The following FSIP1 variants were observed in gnomAD, a reference collection of about 807,000 sequenced individuals.
FSIP1 encodes the protein fibrous sheath-interacting protein 1.
Under a neutral mutation model 60.9 loss-of-function variants are expected in FSIP1, and 65 were observed. That is an observed-to-expected ratio of 1.07 (90% confidence interval 0.87 to 1.31). The LOEUF is 1.31. Ranked by LOEUF, FSIP1 falls within the 40% of genes most tolerant of loss-of-function variation. The probability of loss-of-function intolerance (pLI) is 0.00; values close to 1 mark genes in which losing one functional copy is unlikely to be tolerated. For synonymous variants in FSIP1, 209 were observed against 221.2 expected, an observed-to-expected ratio of 0.94 and a Z score of 0.49; for missense variants, 675 against 665.5, an observed-to-expected ratio of 1.01 and a Z score of -0.16.
intron 10 of FSIP1, among the ~76,000 whole-genome samples, chr15:39,694,709 A>AG (rs1190131797): frequency 6.6e-6 from 1 of 152,046 alleles, no homozygotes; most frequent in African/African-American, 2.4e-5. Context: ...CCGAGGCAGG[A>AG]AAATCGCTTA....
chr15:39,706,330 G>A (rs878921922), intron 10 of FSIP1, among the ~76,000 whole-genome samples: 1 of 152,048 alleles, frequency 6.6e-6, no homozygotes, highest in South Asian at 2.1e-4. Flanking sequence ...TCCAAATATC[G>A]CTGTCCCAAT....
At chr15:39,663,307 C>T (rs564149083) in intron 10 of FSIP1, among the ~76,000 whole-genome samples, 2 of 152,120 alleles carry the variant, frequency 1.3e-5, no homozygotes, top group East Asian at 1.9e-4. Flanking sequence ...TCTAAGTACA[C>T]CACAAATAAT....
At chr15:39,689,231 C>T (rs1794042362) in intron 10 of FSIP1, among the ~76,000 whole-genome samples, 1 of 152,136 alleles carries the variant, frequency 6.6e-6, no homozygotes, top group Non-Finnish European at 1.5e-5. Context: ...ATGTCATTGT[C>T]CTCTCTGTGC....
chr15:39,725,610 T>C (rs565528238), intron 9 of FSIP1, among the ~76,000 whole-genome samples: 3 of 152,292 alleles, frequency 2.0e-5, no homozygotes, highest in South Asian at 4.1e-4. Flanking sequence ...TCTACAATTG[T>C]AGAGAAAATG....
At chr15:39,664,876 T>C (rs1893436172) in intron 10 of FSIP1, among the ~76,000 whole-genome samples, 1 of 152,136 alleles carries the variant, frequency 6.6e-6, no homozygotes, top group Non-Finnish European at 1.5e-5. Context: ...ATCTCCCTCC[T>C]CTCTAACTGT....
intron 10 of FSIP1, among the ~76,000 whole-genome samples, chr15:39,670,849 A>C (rs905891781): frequency 2.6e-5 from 4 of 152,248 alleles, no homozygotes; most frequent in African/African-American, 9.6e-5. Context: ...CACTTACGCA[A>C]CATTTTTATA....
In FSIP1 at chr15:39,713,588, T is replaced by TAA. The variant is rs746501622; in HGVS notation, c.1051-9_1051-8dup. 1 of 1,563,900 alleles carries TAA rather than the reference T, an allele frequency of 6.4e-7. No homozygotes were observed. Among genetic ancestry groups the TAA allele is most frequent in the Admixed American group, 2.1e-5 (1 of 47,666 alleles). ...CACCATCACGGTCAGGTTTCTAATT[T>TAA]AAAGAAAAAAAAAAAACATCATTCA... On this transcript the variant is annotated splice_polypyrimidine_tract_variant and splice_region_variant and intron_variant, in intron 9 of 11. Coordinates refer to ENST00000350221, the MANE Select transcript of FSIP1 (RefSeq NM_152597.5).
At chr15:39,680,509 T>C (rs919042014) in intron 10 of FSIP1, among the ~76,000 whole-genome samples, 1 of 152,342 alleles carries the variant, frequency 6.6e-6, no homozygotes, top group African/African-American at 2.4e-5. Flanking sequence ...GATGTGAGTA[T>C]ACATATTACG....
intron 10 of FSIP1, among the ~76,000 whole-genome samples, chr15:39,696,856 G>C (rs1894832416): frequency 6.9e-6 from 1 of 143,928 alleles, no homozygotes; most frequent in African/African-American, 2.6e-5. Context: ...GAAAGGAGGA[G>C]GGGGAAGGGG....
At position 39,713,503 on chromosome 15, in the gene FSIP1, C is replaced by T. The variant is rs368244711; in HGVS notation, c.1129G>A (p.Asp377Asn). 2.5e-5 allele frequency: 41 copies of T among 1,611,252 alleles called. No individual in the cohort carries two copies. Among genetic ancestry groups the T allele is most frequent in the Non-Finnish European group, 3.2e-5 (38 of 1,178,692 alleles). ...KILRNTKEQR[D>N]LHNRLREIDE... Reference sequence around the variant, plus strand: ...ATCTCTCTCAGCCGATTATGCAGATCGCGTTGCTCTTTGGTGTTCCTAAGT... The same window carrying T: ...ATCTCTCTCAGCCGATTATGCAGATTGCGTTGCTCTTTGGTGTTCCTAAGT... Residue 377 changes from aspartate to asparagine, a missense_variant, in exon 10 of 12, where the codon GAT becomes AAT. By Grantham distance (23) the Asp-to-Asn change is conservative (BLOSUM62 1). Coordinates refer to ENST00000350221, the MANE Select transcript of FSIP1 (RefSeq NM_152597.5).
intron 4 of FSIP1, among the ~76,000 whole-genome samples, chr15:39,765,319 T>C (rs553863500): frequency 7.5e-5 from 11 of 147,044 alleles, no homozygotes; most frequent in Non-Finnish European, 1.6e-4. Flanking sequence ...AGCTACTGCA[T>C]AGCATTGAAC....
chr15:39,708,746 C>G (rs1300503732), intron 10 of FSIP1, among the ~76,000 whole-genome samples: 1 of 152,210 alleles, frequency 6.6e-6, no homozygotes, highest in Admixed American at 6.5e-5. Context: ...TTGCTTACTT[C>G]TCTCTTAATG....
At chr15:39,701,496 T>A (rs1414102138) in intron 10 of FSIP1, among the ~76,000 whole-genome samples, 1 of 152,146 alleles carries the variant, frequency 6.6e-6, no homozygotes, top group African/African-American at 2.4e-5. Context: ...TTGTTCTCAC[T>A]AGAGGGATGG....
chr15:39,763,935 A>G (rs769048843), intron 4 of FSIP1, 21 bp from the exon 5 acceptor site: 1 of 1,318,386 alleles, frequency 7.6e-7, no homozygotes, highest in Non-Finnish European at 1.1e-6. Context: ...GAAAATTAAA[A>G]TTTAAACATG....
rs1408894344 is a variant in FSIP1, at chr15:39,752,175, T to TCAATTTAGTCAAAATA, written c.560-10276_560-10275insTATTTTGACTAAATTG. 1.8e-4 allele frequency among the ~76,000 whole-genome samples: 28 copies of TCAATTTAGTCAAAATA among 152,148 alleles called. 1 individual carries two copies. In the Middle Eastern group the frequency reaches 0.01, roughly 55 times the overall value. On this transcript the variant is annotated intron_variant, in intron 5 of 11. Coordinates refer to ENST00000350221, the MANE Select transcript of FSIP1 (RefSeq NM_152597.5). ...TTTTTGAGAATTTAGTCATAAAATCTTTGCCTAGGCCAATAACCAGAAGAG... is the reference window on the plus strand; with the variant it reads ...TTTTTGAGAATTTAGTCATAAAATCTCAATTTAGTCAAAATATTGCCTAGGCCAATAACCAGAAGAG...
intron 7 of FSIP1, among the ~76,000 whole-genome samples, chr15:39,739,083 G>A (rs985323020): frequency 8.5e-5 from 13 of 152,090 alleles, no homozygotes; most frequent in African/African-American, 2.7e-4. Context: ...GAACCCCTGC[G>A]CCCTTGTTTA....
intron 3 of FSIP1, among the ~76,000 whole-genome samples, chr15:39,766,141 T>C (rs1897678948): frequency 6.6e-6 from 1 of 152,188 alleles, no homozygotes; most frequent in South Asian, 2.1e-4. Flanking sequence ...CTAAAGCTGC[T>C]TCAGACTAAC....
chr15:39,767,453 G>A (rs535191920), intron 3 of FSIP1, among the ~76,000 whole-genome samples: 3 of 152,292 alleles, frequency 2.0e-5, no homozygotes, highest in East Asian at 3.9e-4. Flanking sequence ...GGGAAGTGCT[G>A]GGTAGAGAAA....
At chr15:39,752,120 C>G (rs1188276776) in intron 5 of FSIP1, among the ~76,000 whole-genome samples, 1 of 151,932 alleles carries the variant, frequency 6.6e-6, no homozygotes, top group Non-Finnish European at 1.5e-5. Context: ...ATGAGGTTCC[C>G]ATTGTCAATT....
Sources: gnomAD v4.1 joint callset for allele counts (sites outside exome capture counted in the v4.1 genomes callset) on GRCh38, gnomAD v4.1.1 for gene constraint, MANE v1.5 for transcripts, NCBI Gene and HGNC (gene_info 2026-07-23, HGNC 2026-07-21) for gene names.